The following KCNN2 variants were observed in gnomAD, a reference collection of about 807,000 sequenced individuals.
KCNN2 encodes the protein small conductance calcium-activated potassium channel protein 2.
KCNN2 carries 24 observed loss-of-function variants against 55.5 expected under a neutral mutation model. That is an observed-to-expected ratio of 0.43 (90% CI 0.31 to 0.61). The LOEUF (loss-of-function observed/expected upper bound fraction) is 0.61, where lower values mean the gene tolerates loss of function less well. Ranked by LOEUF, KCNN2 falls within the 20% of genes least tolerant of loss-of-function variation. KCNN2 has a pLI of 0.08. For synonymous variants in KCNN2, 431 were observed against 336.1 expected, an observed-to-expected ratio of 1.28 and a Z score of -3.09; for missense variants, 754 against 853.6, an observed-to-expected ratio of 0.88 and a Z score of 1.45.
intron 2 of KCNN2, among the ~76,000 whole-genome samples, chr5:114,286,944 A>G (rs766293782): frequency 3.3e-4 from 51 of 152,298 alleles, no homozygotes; most frequent in Non-Finnish European, 6.6e-4. Context: ...TTTGAAGTAG[A>G]TATTATCTTT....
At chr5:114,476,629 C>CAGGCTGGTCTGGAACTCCCGACCTCA (rs1394647910) in intron 5 of KCNN2, among the ~76,000 whole-genome samples, 2 of 152,108 alleles carry the variant, frequency 1.3e-5, no homozygotes, top group African/African-American at 4.8e-5. Flanking sequence ...CCATGTTGGT[C>CAGGCTGGTCTGGAACTCCCGACCTCA]AGGCTGGTCT....
At chr5:114,459,524 C>A (rs191978139) in intron 3 of KCNN2, among the ~76,000 whole-genome samples, 57 of 152,212 alleles carry the variant, frequency 3.7e-4, no homozygotes, top group South Asian at 2.1e-3. Flanking sequence ...TAATATCATC[C>A]TGTGAAAAGT....
At chr5:114,376,313 C>G (rs148101578) in intron 2 of KCNN2, among the ~76,000 whole-genome samples, 1 of 152,294 alleles carries the variant, frequency 6.6e-6, no homozygotes, top group East Asian at 1.9e-4. Context: ...CCTTCCTGCA[C>G]AGAGACCACA....
intron 1 of KCNN2, among the ~76,000 whole-genome samples, chr5:114,191,178 A>G (rs1262612179): frequency 1.3e-5 from 2 of 152,188 alleles, no homozygotes; most frequent in African/African-American, 2.4e-5. Flanking sequence ...ACTGGTGTAT[A>G]TAAGGTATAA....
chr5:114,413,810 T>C (rs1416025490), intron 3 of KCNN2, among the ~76,000 whole-genome samples: 2 of 152,198 alleles, frequency 1.3e-5, no homozygotes, highest in East Asian at 3.9e-4. Flanking sequence ...CTGTCATCCA[T>C]GCTGATGTAC....
chr5:114,410,963 T>C (rs954198312), intron 3 of KCNN2, among the ~76,000 whole-genome samples: 1 of 152,208 alleles, frequency 6.6e-6, no homozygotes, highest in Non-Finnish European at 1.5e-5. Context: ...TGGAGAAGCA[T>C]AATGCAACTT....
chr5:114,334,547 A>C (rs1054735754), intron 2 of KCNN2, among the ~76,000 whole-genome samples: 1 of 152,110 alleles, frequency 6.6e-6, no homozygotes, highest in Non-Finnish European at 1.5e-5. Context: ...CATGTTCATA[A>C]TTTTAATAAA....
intron 2 of KCNN2, among the ~76,000 whole-genome samples, chr5:114,329,816 G>T (rs1054535250): frequency 6.6e-6 from 1 of 152,130 alleles, no homozygotes; most frequent in Non-Finnish European, 1.5e-5. Flanking sequence ...TCTTCAATCT[G>T]TTCTTCTTCC....
intron 2 of KCNN2, among the ~76,000 whole-genome samples, chr5:114,339,254 C>A (rs1041633842): frequency 2.6e-5 from 4 of 152,182 alleles, no homozygotes; most frequent in Admixed American, 1.3e-4. Flanking sequence ...GAGGTCTTGT[C>A]CACACAGAAA....
At chr5:114,413,099 A>T (rs1461569337) in intron 3 of KCNN2, among the ~76,000 whole-genome samples, 1 of 152,198 alleles carries the variant, frequency 6.6e-6, no homozygotes, top group Non-Finnish European at 1.5e-5. Flanking sequence ...CAAGTTATAA[A>T]AGTCGGCAGT....
intron 2 of KCNN2, among the ~76,000 whole-genome samples, chr5:114,324,747 T>A (rs545682634): frequency 6.6e-6 from 1 of 152,342 alleles, no homozygotes; most frequent in Admixed American, 6.5e-5. Context: ...ATCCTTGAAA[T>A]GTGAAAGTGG....
intron 2 of KCNN2, among the ~76,000 whole-genome samples, chr5:114,241,515 T>G (rs1754619478): frequency 6.6e-6 from 1 of 151,378 alleles, no homozygotes; most frequent in Non-Finnish European, 1.5e-5. Flanking sequence ...GTATAGGAAG[T>G]TACTACATGG....
chr5:114,142,854 G>A (rs1470709984), intron 1 of KCNN2, among the ~76,000 whole-genome samples: 1 of 152,132 alleles, frequency 6.6e-6, no homozygotes, highest in Non-Finnish European at 1.5e-5. Context: ...TCACAGAATT[G>A]TAAAAAACTA....
chr5:114,358,330 G>GGTCT (rs1757336666), upstream of KCNN2, among the ~76,000 whole-genome samples: 1 of 152,104 alleles, frequency 6.6e-6, no homozygotes, highest in Non-Finnish European at 1.5e-5. Flanking sequence ...AAGCTCCTGT[G>GGTCT]GTCTGAAAAA....
At chr5:114,343,662 A>T (rs1039482763) in intron 2 of KCNN2, among the ~76,000 whole-genome samples, 2 of 151,296 alleles carry the variant, frequency 1.3e-5, no homozygotes, top group Non-Finnish European at 2.9e-5. Flanking sequence ...AGACTTGAAT[A>T]CCATGGCTAC....
rs149828722 is a variant in KCNN2, at chr5:114,456,457, A to G, written c.1638-6592A>G. 2.6e-5 allele frequency among the ~76,000 whole-genome samples: 4 copies of G among 152,358 alleles called. No homozygotes were observed. In the East Asian group the frequency reaches 7.7e-4, roughly 29 times the overall value. On this transcript the variant is annotated intron_variant, in intron 3 of 7. Transcript: ENST00000673685. ...TCACTGACAATGCACTTGGTCACCC[A>G]AGATCTCCGATGGAGATGGACAAGA...
intron 2 of KCNN2, among the ~76,000 whole-genome samples, chr5:114,287,950 G>T (rs545044908): frequency 3.9e-5 from 6 of 152,014 alleles, no homozygotes; most frequent in African/African-American, 1.4e-4. Flanking sequence ...TCTAAGTAAT[G>T]GTGCACAGAG....
chr5:114,127,276 T>A (rs1284388954), intron 1 of KCNN2, among the ~76,000 whole-genome samples: 8 of 152,156 alleles, frequency 5.3e-5, no homozygotes, highest in African/African-American at 1.9e-4. Flanking sequence ...TGGAAGAGGT[T>A]CTCTGTGAGG....
intron 3 of KCNN2, among the ~76,000 whole-genome samples, chr5:114,421,269 T>A (rs1170762695): frequency 6.6e-6 from 1 of 151,924 alleles, no homozygotes; most frequent in African/African-American, 2.4e-5. Flanking sequence ...AAGACAAATT[T>A]AATTAATTAA....
Sources: gnomAD v4.1 joint callset for allele counts (sites outside exome capture counted in the v4.1 genomes callset) on GRCh38, gnomAD v4.1.1 for gene constraint, MANE v1.5 for transcripts, NCBI Gene and HGNC (gene_info 2026-07-23, HGNC 2026-07-21) for gene names.